Variants in SPOCK1 observed in about 807,000 individuals in gnomAD.
SPOCK1 encodes the protein testican-1.
Under a neutral mutation model 55.3 loss-of-function variants are expected in SPOCK1, and 23 were observed. That is an observed-to-expected ratio of 0.42 (90% CI 0.30 to 0.59). SPOCK1 has a LOEUF of 0.59. Ranked by LOEUF, SPOCK1 falls within the 20% of genes least tolerant of loss-of-function variation. The probability of loss-of-function intolerance (pLI) is 0.22; values close to 1 mark genes in which losing one functional copy is unlikely to be tolerated. For missense variants in SPOCK1, 499 were observed against 552.5 expected, an observed-to-expected ratio of 0.90 and a Z score of 0.97; for synonymous variants, 226 against 221.0, an observed-to-expected ratio of 1.02 and a Z score of -0.20.
At chr5:137,189,743 T>C (rs1288667698) in intron 3 of SPOCK1, among the ~76,000 whole-genome samples, 1 of 152,206 alleles carries the variant, frequency 6.6e-6, no homozygotes, top group African/African-American at 2.4e-5. Flanking sequence ...AGGCTATAGT[T>C]ACCATAGATA....
intron 3 of SPOCK1, among the ~76,000 whole-genome samples, chr5:137,261,106 A>T (rs539212489): frequency 6.6e-6 from 1 of 152,300 alleles, no homozygotes; most frequent in East Asian, 1.9e-4. Context: ...GATAAGGTGA[A>T]CAAATTCTTA....
chr5:137,172,914 C>T (rs1580789740), intron 3 of SPOCK1, among the ~76,000 whole-genome samples: 1 of 152,182 alleles, frequency 6.6e-6, no homozygotes, highest in East Asian at 1.9e-4. Context: ...AGGCAAAAGA[C>T]AGACTACAAA....
intron 4 of SPOCK1, among the ~76,000 whole-genome samples, chr5:137,114,304 A>G (rs1753533581): frequency 6.6e-6 from 1 of 152,208 alleles, no homozygotes; most frequent in African/African-American, 2.4e-5. Context: ...CGTGGAGCTG[A>G]TCAGTAACTA....
At chr5:137,260,823 T>C (rs1409391447) in intron 3 of SPOCK1, among the ~76,000 whole-genome samples, 1 of 152,228 alleles carries the variant, frequency 6.6e-6, no homozygotes, top group African/African-American at 2.4e-5. Context: ...AGGACTATCT[T>C]ATTGTCACAA....
intron 2 of SPOCK1, among the ~76,000 whole-genome samples, chr5:137,299,359 T>G (rs13184564): frequency 0.16 from 24,375 of 152,022 alleles, 2,020 homozygotes; most frequent in Admixed American, 0.21. Context: ...CCCTTACAAA[T>G]CCAATAAAGT....
intron 2 of SPOCK1, among the ~76,000 whole-genome samples, chr5:137,447,024 T>C (rs1399262907): frequency 6.6e-6 from 1 of 152,232 alleles, no homozygotes; most frequent in African/African-American, 2.4e-5. Context: ...CTTGTATGTA[T>C]ACACCACATT....
intron 3 of SPOCK1, among the ~76,000 whole-genome samples, chr5:137,260,421 G>A (rs1355084518): frequency 6.6e-6 from 1 of 152,092 alleles, no homozygotes; most frequent in African/African-American, 2.4e-5. Flanking sequence ...ATGTTAAGTG[G>A]AATAAACAGA....
At chr5:137,374,999 A>AAAAT (rs1751282703) in intron 2 of SPOCK1, among the ~76,000 whole-genome samples, 1 of 152,164 alleles carries the variant, frequency 6.6e-6, no homozygotes, top group Non-Finnish European at 1.5e-5. Flanking sequence ...CCCCCATCTC[A>AAAAT]GTTGCAGCCG....
intron 2 of SPOCK1, among the ~76,000 whole-genome samples, chr5:137,374,551 C>T (rs1561518688): frequency 6.6e-6 from 1 of 152,148 alleles, no homozygotes; most frequent in Non-Finnish European, 1.5e-5. Flanking sequence ...CACATCTTCA[C>T]GGACTGGAGG....
chr5:136,990,554 CT>C lies in SPOCK1; in HGVS notation c.707-1912del, dbSNP rs1346340300. On this transcript the variant is annotated intron_variant, in intron 7 of 10. Coordinates refer to ENST00000394945, the MANE Select transcript of SPOCK1 (RefSeq NM_004598.4). ...CACATTTTAAAATACCCACCCCCCT[CT>C]TTTTTTTTTTCCAGAAGAGAGGCTA... is the stretch of plus-strand genomic sequence containing the variant. Among the ~76,000 whole-genome samples the C allele has an allele frequency of 2.3e-3, 337 of 145,972 alleles. 1 individual carries two copies. Among genetic ancestry groups the C allele is most frequent in the African/African-American group, 6.5e-3 (261 of 40,218 alleles).
intron 5 of SPOCK1, among the ~76,000 whole-genome samples, chr5:137,108,718 G>A (rs952305757): frequency 6.6e-6 from 1 of 152,202 alleles, no homozygotes; most frequent in Non-Finnish European, 1.5e-5. Flanking sequence ...TCAGGCTGGT[G>A]CAGGAATTCA....
At chr5:137,102,696 C>T (rs1029417496) in intron 5 of SPOCK1, among the ~76,000 whole-genome samples, 3 of 152,128 alleles carry the variant, frequency 2.0e-5, no homozygotes, top group African/African-American at 7.2e-5. Flanking sequence ...GTTCAAATAT[C>T]TACTCTGCTA....
At chr5:137,113,596 A>G (rs952728390) in intron 4 of SPOCK1, among the ~76,000 whole-genome samples, 3 of 152,222 alleles carry the variant, frequency 2.0e-5, no homozygotes, top group Non-Finnish European at 4.4e-5. Context: ...CTTCATTAGT[A>G]AAATGGAGGA....
chr5:137,075,506 A>G (rs1400098833), intron 5 of SPOCK1, among the ~76,000 whole-genome samples: 1 of 152,302 alleles, frequency 6.6e-6, no homozygotes, highest in East Asian at 1.9e-4. Context: ...GAAGCACAAA[A>G]TTCTCTTGAT....
At chr5:137,190,239 A>T (rs1275518977) in intron 3 of SPOCK1, among the ~76,000 whole-genome samples, 1 of 152,210 alleles carries the variant, frequency 6.6e-6, no homozygotes, top group Non-Finnish European at 1.5e-5. Flanking sequence ...AAACGCCATG[A>T]AACAGCACAG....
chr5:137,195,542 G>C (rs918723393), intron 3 of SPOCK1, among the ~76,000 whole-genome samples: 2 of 152,266 alleles, frequency 1.3e-5, no homozygotes, highest in Non-Finnish European at 2.9e-5. Flanking sequence ...GGGAGCTGGG[G>C]CAGTGGATGA....
At chr5:137,161,026 ATATT>A (rs1335576856) in intron 3 of SPOCK1, among the ~76,000 whole-genome samples, 101 of 134,626 alleles carry the variant, frequency 7.5e-4, no homozygotes, top group African/African-American at 2.5e-3. Flanking sequence ...ATATATATAT[ATATT>A]ACATATATTT....
intron 2 of SPOCK1, among the ~76,000 whole-genome samples, chr5:137,455,646 C>A (rs1228405629): frequency 1.3e-5 from 2 of 152,128 alleles, no homozygotes; most frequent in Non-Finnish European, 2.9e-5. Flanking sequence ...CTAATACCTG[C>A]AGCACTGGGG....
chr5:137,350,936 C>A (rs1463234535), intron 2 of SPOCK1, among the ~76,000 whole-genome samples: 1 of 152,154 alleles, frequency 6.6e-6, no homozygotes, highest in Non-Finnish European at 1.5e-5. Flanking sequence ...TATCAACATA[C>A]ATGCTTCCCA....
Sources: gnomAD v4.1 joint callset for allele counts (sites outside exome capture counted in the v4.1 genomes callset) on GRCh38, gnomAD v4.1.1 for gene constraint, MANE v1.5 for transcripts, NCBI Gene and HGNC (gene_info 2026-07-23, HGNC 2026-07-21) for gene names.